Variants in NNT observed in about 807,000 individuals in gnomAD.
The protein encoded by NNT is nicotinamide nucleotide transhydrogenase.
NNT carries 50 observed loss-of-function variants against 104.8 expected under a neutral mutation model. The ratio of observed to expected loss-of-function variants is 0.48; its 90% CI spans 0.38 to 0.60. The LOEUF is 0.60. Ranked by LOEUF, NNT falls within the 20% of genes least tolerant of loss-of-function variation. The pLI is 0.00. For missense variants in NNT, 1,131 were observed against 1,330.7 expected (o/e 0.85, Z 2.33); for synonymous variants, 461 against 490.4 (o/e 0.94, Z 0.79).
Position 43,670,893 on chromosome 5 carries a change from T to C in NNT, c.2635-4618T>C, listed in dbSNP as rs796186987. ...ATGTTGACAGTGGGGTGTTAAAGTC[T>C]TCCGTTATTATTGTATGGGAGTCTA... On this transcript the variant is annotated intron_variant, in intron 17 of 21. Coordinates refer to ENST00000344920, the MANE Select transcript of NNT (RefSeq NM_182977.3). 6.6e-5 allele frequency among the ~76,000 whole-genome samples: 10 copies of C among 152,278 alleles called. 1 individual carries two copies. The highest frequency in any genetic ancestry group is 2.4e-4 in the African/African-American group (10 of 41,532).
chr5:43,691,232 C>G (rs1742266255), intron 19 of NNT, among the ~76,000 whole-genome samples: 1 of 152,146 alleles, frequency 6.6e-6, no homozygotes. Flanking sequence ...CCCGAGTTAG[C>G]TGGGACTATA....
chr5:43,684,561 T>TG (rs2112151072), intron 19 of NNT, among the ~76,000 whole-genome samples: 1 of 152,232 alleles, frequency 6.6e-6, no homozygotes, highest in South Asian at 2.1e-4. Context: ...GGGAATTTTT[T>TG]TTTTTCACTT....
chr5:43,658,660 A>G (rs940690889), intron 16 of NNT, among the ~76,000 whole-genome samples: 1 of 152,214 alleles, frequency 6.6e-6, no homozygotes, highest in Non-Finnish European at 1.5e-5. Context: ...AGATTTGAGT[A>G]GAATTTATAA....
intron 18 of NNT, among the ~76,000 whole-genome samples, chr5:43,676,998 A>G (rs967327212): frequency 3.1e-4 from 47 of 152,084 alleles, no homozygotes; most frequent in Non-Finnish European, 1.3e-4. Flanking sequence ...GACAGAAAGG[A>G]GGGTGAAGAT....
In NNT at chr5:43,645,366, G is replaced by A; in HGVS notation, c.1300G>A (p.Val434Met). 1 of 1,542,306 alleles carries A rather than the reference G, an allele frequency of 6.5e-7. No individual in the cohort carries two copies. Among genetic ancestry groups the A allele is most frequent in the South Asian group, 1.3e-5 (1 of 79,378 alleles). Residue 434 changes from valine (V) to methionine (M), a missense_variant, in exon 10 of 22, where the codon GTG becomes ATG. By Grantham distance (21) the Val-to-Met change is conservative. Transcript: ENST00000344920. ...RGTVVMKDGK[V>M]IFPAPTPKNI... ...TTTTAATGTCTATTAGGATGGTAAA[G>A]TGATTTTCCCAGCTCCCACACCGAA...
chr5:43,642,963 T>G (rs1016437839), intron 7 of NNT, among the ~76,000 whole-genome samples: 9 of 152,240 alleles, frequency 5.9e-5, no homozygotes, highest in African/African-American at 1.7e-4. Flanking sequence ...TTCACTCTGT[T>G]GTCCCGGCTG....
intron 16 of NNT, among the ~76,000 whole-genome samples, chr5:43,658,767 A>T (rs917919703): frequency 6.6e-6 from 1 of 152,156 alleles, no homozygotes; most frequent in Non-Finnish European, 1.5e-5. Flanking sequence ...TATCTTCAGG[A>T]TCTTCAAGTC....
chr5:43,684,821 G>T (rs563818888), intron 19 of NNT, among the ~76,000 whole-genome samples: 1 of 152,282 alleles, frequency 6.6e-6, no homozygotes, highest in East Asian at 1.9e-4. Context: ...AAAGAAACTT[G>T]CCTTTTCAGG....
intron 3 of NNT, among the ~76,000 whole-genome samples, chr5:43,615,066 A>G (rs899808154): frequency 6.6e-6 from 1 of 151,788 alleles, no homozygotes; most frequent in Non-Finnish European, 1.5e-5. Flanking sequence ...GAACCCGGGA[A>G]GCGGAGCTTG....
At position 43,650,568 on chromosome 5, in the gene NNT, A is replaced by G; in HGVS notation, c.1698A>G (p.Ile566Met). 2 of 1,613,768 alleles carry G rather than the reference A, an allele frequency of 1.2e-6. No homozygotes were observed. The highest frequency in any genetic ancestry group is 8.5e-7 in the Non-Finnish European group (1 of 1,179,666). The part of the protein sequence containing the change: ...SQGLAALAAF[I>M]SSVNIAGGFL... Reference sequence around the variant, plus strand: ...GCCTTGCTGCTCTTGCTGCATTCATATCCTCTGTCAACATTGCAGGTATGA... The same window carrying G: ...GCCTTGCTGCTCTTGCTGCATTCATGTCCTCTGTCAACATTGCAGGTATGA... The change falls in exon 12 of 22, where the codon ATA (isoleucine) becomes ATG (methionine). Residue 566 changes from isoleucine (I) to methionine (M), a missense_variant. Coordinates refer to ENST00000344920, the MANE Select transcript of NNT (RefSeq NM_182977.3).
At chr5:43,634,584 A>C (rs926075295) in intron 7 of NNT, among the ~76,000 whole-genome samples, 2 of 152,004 alleles carry the variant, frequency 1.3e-5, no homozygotes, top group Non-Finnish European at 2.9e-5. Flanking sequence ...CCTTCCCTTC[A>C]ATGTATTTTA....
intron 17 of NNT, among the ~76,000 whole-genome samples, chr5:43,672,447 G>A (rs959739641): frequency 2.0e-5 from 3 of 152,142 alleles, no homozygotes; most frequent in Non-Finnish European, 4.4e-5. Flanking sequence ...TGATGGTGAC[G>A]TACAGATGAG....
intron 20 of NNT, among the ~76,000 whole-genome samples, chr5:43,701,524 G>T (rs1742850911): frequency 6.6e-6 from 1 of 152,048 alleles, no homozygotes; most frequent in Admixed American, 6.6e-5. Flanking sequence ...TTGCTATTGT[G>T]AATAGTGCTG....
At chr5:43,693,042 A>ATT (rs143728935) in intron 19 of NNT, among the ~76,000 whole-genome samples, 1 of 148,036 alleles carries the variant, frequency 6.8e-6, no homozygotes. Context: ...AGCTTTATTT[A>ATT]TTTTTTTTTT....
chr5:43,678,787 TGAAA>T (rs910192795), intron 19 of NNT, among the ~76,000 whole-genome samples: 15 of 152,296 alleles, frequency 9.8e-5, no homozygotes, highest in African/African-American at 2.9e-4. Flanking sequence ...CTAGTAGTGG[TGAAA>T]GAAACTTAGA....
chr5:43,662,233 C>A (rs1471908157), intron 17 of NNT, among the ~76,000 whole-genome samples: 1 of 152,088 alleles, frequency 6.6e-6, no homozygotes, highest in African/African-American at 2.4e-5. Flanking sequence ...CACTTAGTGT[C>A]TTTTATTATT....
At chr5:43,673,695 A>G (rs1364990231) in intron 17 of NNT, among the ~76,000 whole-genome samples, 1 of 152,198 alleles carries the variant, frequency 6.6e-6, no homozygotes, top group Non-Finnish European at 1.5e-5. Flanking sequence ...TTAAAACACC[A>G]TGTCAGCTAG....
At chr5:43,638,639 T>C (rs1751060284) in intron 7 of NNT, among the ~76,000 whole-genome samples, 3 of 151,546 alleles carry the variant, frequency 2.0e-5, no homozygotes, top group South Asian at 2.1e-4. Flanking sequence ...AAATATCTCA[T>C]GTTTTTGTTA....
chr5:43,615,835 A>T lies in NNT; in HGVS notation c.382-13A>T. ...ATTTATATTTATAATCTGTGACTTGATTTTTTCCCCAGGTGCGAGCCCCTA... is the reference window on the plus strand; with the variant it reads ...ATTTATATTTATAATCTGTGACTTGTTTTTTTCCCCAGGTGCGAGCCCCTA... On this transcript the variant is annotated splice_polypyrimidine_tract_variant and intron_variant, in intron 3 of 21. Transcript: ENST00000344920. 6.3e-7 allele frequency: 1 copy of T among 1,577,638 alleles called. No individual in the cohort carries two copies. Among genetic ancestry groups the T allele is most frequent in the Non-Finnish European group, 8.6e-7 (1 of 1,164,434 alleles).
Sources: gnomAD v4.1 joint callset for allele counts (sites outside exome capture counted in the v4.1 genomes callset) on GRCh38, gnomAD v4.1.1 for gene constraint, MANE v1.5 for transcripts, NCBI Gene and HGNC (gene_info 2026-07-23, HGNC 2026-07-21) for gene names.